Variants in ABTB2 observed in about 807,000 individuals in gnomAD.
ABTB2 encodes ankyrin repeat and BTB/POZ domain-containing protein 2.
In ABTB2, 56 loss-of-function variants were observed where a neutral mutation model predicts 104.1. That is an observed-to-expected ratio of 0.54 (90% CI 0.43 to 0.67). ABTB2 has a LOEUF of 0.67. Among genes scored for constraint, ABTB2 ranks in the 30% least tolerant of loss-of-function variants. The pLI is 0.00. For synonymous variants in ABTB2, 606 were observed against 608.2 expected, an observed-to-expected ratio of 1.00 and a Z score of 0.05; for missense variants, 1,279 against 1,407.7, an observed-to-expected ratio of 0.91 and a Z score of 1.46.
intron 1 of ABTB2, among the ~76,000 whole-genome samples, chr11:34,228,763 C>T (rs1233361047): frequency 6.6e-6 from 1 of 152,080 alleles, no homozygotes; most frequent in Non-Finnish European, 1.5e-5. Context: ...TATGAAGGCT[C>T]CAATTTCTCC....
intron 1 of ABTB2, among the ~76,000 whole-genome samples, chr11:34,211,922 A>AAG (rs1554983517): frequency 7.9e-5 from 12 of 151,088 alleles, no homozygotes; most frequent in Non-Finnish European, 1.5e-4. Context: ...AAAAAAAAAA[A>AAG]AAGGATAATC....
intron 14 of ABTB2, among the ~76,000 whole-genome samples, chr11:34,155,438 C>T (rs767954828): frequency 3.3e-5 from 5 of 152,252 alleles, no homozygotes; most frequent in African/African-American, 4.8e-5. Flanking sequence ...GGACCGGGAA[C>T]GATTTAGTTC....
chr11:34,341,450 C>T (rs1178666752), intron 1 of ABTB2, among the ~76,000 whole-genome samples: 2 of 152,156 alleles, frequency 1.3e-5, no homozygotes, highest in East Asian at 1.9e-4. Context: ...TGGCCCCAAG[C>T]GACCCACCAC....
At chr11:34,323,771 A>T (rs1408301610) in intron 1 of ABTB2, among the ~76,000 whole-genome samples, 1 of 152,216 alleles carries the variant, frequency 6.6e-6, no homozygotes, top group East Asian at 1.9e-4. Flanking sequence ...GGGCCAAATT[A>T]GCACCAGGTG....
chr11:34,220,198 C>A (rs1232253244), intron 1 of ABTB2, among the ~76,000 whole-genome samples: 2 of 152,218 alleles, frequency 1.3e-5, no homozygotes, highest in African/African-American at 4.8e-5. Context: ...TATGATCTTT[C>A]CCTGCAAAGA....
intron 14 of ABTB2, among the ~76,000 whole-genome samples, chr11:34,157,068 A>G (rs1404912582): frequency 3.3e-5 from 5 of 152,100 alleles, no homozygotes; most frequent in African/African-American, 7.2e-5. Context: ...CCTGCATGAG[A>G]GTCAATGCGG....
chr11:34,175,047 G>C (rs1239224280), intron 3 of ABTB2, among the ~76,000 whole-genome samples: 1 of 152,242 alleles, frequency 6.6e-6, no homozygotes, highest in East Asian at 1.9e-4. Context: ...TTGACATGCA[G>C]CTAAGTGCTC....
Position 34,174,320 on chromosome 11 carries a change from G to A in ABTB2, c.1245-1013C>T, listed in dbSNP as rs1300399430. ...AGCCTGGGCGACAGGGCGAGACTCC[G>A]TCTCAAAAAAAAAAAAAAAAAAAAA... On this transcript the variant is annotated intron_variant, in intron 3 of 16. Coordinates refer to ENST00000435224, the MANE Select transcript of ABTB2 (RefSeq NM_145804.3). Among the ~76,000 whole-genome samples, 22 of 101,582 alleles carry A rather than the reference G, an allele frequency of 2.2e-4. 1 individual carries two copies. The highest frequency in any genetic ancestry group is 8.6e-4 in the African/African-American group (22 of 25,628). The allele number at this position is 101,582 out of a possible 152,430, so 66.6% of individuals were successfully genotyped here. A position where few individuals can be genotyped will look rare whatever the true frequency, so the allele number is the denominator to read the frequency against.
At chr11:34,318,534 GA>G (rs1412811462) in intron 1 of ABTB2, among the ~76,000 whole-genome samples, 1 of 152,194 alleles carries the variant, frequency 6.6e-6, no homozygotes, top group Non-Finnish European at 1.5e-5. Flanking sequence ...GGGACCAAGG[GA>G]CTGGTCTAAG....
At chr11:34,347,375 G>A (rs1329453521) in intron 1 of ABTB2, among the ~76,000 whole-genome samples, 4 of 152,168 alleles carry the variant, frequency 2.6e-5, no homozygotes, top group Non-Finnish European at 5.9e-5. Context: ...GGAGGAGGCT[G>A]CAGTGAGCTG....
chr11:34,164,220 C>T (rs1316242218), intron 9 of ABTB2, among the ~76,000 whole-genome samples: 1 of 152,198 alleles, frequency 6.6e-6, no homozygotes, highest in Non-Finnish European at 1.5e-5. Context: ...CGCCACACCC[C>T]TGGGCAGGCC....
At chr11:34,336,814 C>T (rs758614364) in intron 1 of ABTB2, among the ~76,000 whole-genome samples, 4 of 152,114 alleles carry the variant, frequency 2.6e-5, no homozygotes, top group Admixed American at 2.6e-4. Context: ...AACCCCCAAA[C>T]TGGTAATCAT....
chr11:34,226,232 C>G (rs1053285020), intron 1 of ABTB2, among the ~76,000 whole-genome samples: 16 of 147,654 alleles, frequency 1.1e-4, no homozygotes, highest in African/African-American at 4.0e-4. Context: ...AAAAAAGAAG[C>G]CACTACCTAT....
At chr11:34,331,800 G>A (rs1855133939) in intron 1 of ABTB2, among the ~76,000 whole-genome samples, 1 of 152,162 alleles carries the variant, frequency 6.6e-6, no homozygotes, top group South Asian at 2.1e-4. Context: ...GCAAGACTGC[G>A]GGAAAAAGAA....
chr11:34,184,951 C>T (rs373441125), intron 3 of ABTB2, among the ~76,000 whole-genome samples: 1 of 152,254 alleles, frequency 6.6e-6, no homozygotes, highest in Non-Finnish European at 1.5e-5. Context: ...ACCTCCCTCC[C>T]GAGGGCACCT....
At chr11:34,232,011 T>A (rs1266730191) in intron 1 of ABTB2, among the ~76,000 whole-genome samples, 2 of 151,828 alleles carry the variant, frequency 1.3e-5, no homozygotes, top group Non-Finnish European at 2.9e-5. Flanking sequence ...ATGGCATGGG[T>A]TCCTGAGACA....
intron 1 of ABTB2, among the ~76,000 whole-genome samples, chr11:34,281,240 C>T: frequency 1.3e-5 from 2 of 152,296 alleles, no homozygotes; most frequent in Middle Eastern, 6.8e-3. Flanking sequence ...CTAAGACCTT[C>T]CCACTCAGAC....
chr11:34,161,919 G>A (rs973954935), intron 10 of ABTB2, among the ~76,000 whole-genome samples: 2 of 152,190 alleles, frequency 1.3e-5, no homozygotes, highest in East Asian at 3.8e-4. Flanking sequence ...ACTCACTGCT[G>A]TCTTGGCCCG....
rs561058759 is a variant in ABTB2, at chr11:34,160,977, T to G, written c.2323A>C (p.Arg775=). ...QSLLRDFSSI[R]EEEYNEELVT... is the part of the protein sequence containing the mutation. ...AGCTCCTCGTTGTACTCCTCCTCTC[T>G]GATGGAGCTGAAGTCCCGCAGGAGG... The change falls in exon 11 of 17, where the codon AGA becomes CGA. Residue 775 remains arginine (R), a synonymous_variant. Transcript: ENST00000435224. The G allele has an allele frequency of 6.2e-7, 1 of 1,613,724 alleles. No individual in the cohort carries two copies. Among genetic ancestry groups the G allele is most frequent in the African/African-American group, 1.3e-5 (1 of 74,988 alleles).
Sources: allele counts gnomAD v4.1 joint callset (sites outside exome capture counted in the v4.1 genomes callset), GRCh38; gene constraint gnomAD v4.1.1; transcripts MANE v1.5; gene names NCBI Gene and HGNC (gene_info 2026-07-23, HGNC 2026-07-21).